The following SMIM8 variants were observed in gnomAD, a reference collection of about 807,000 sequenced individuals.
SMIM8 encodes small integral membrane protein 8, also known as UPF0708 protein C6orf162.
In SMIM8, 8 loss-of-function variants were observed where a neutral mutation model predicts 8.1. That is an observed-to-expected ratio of 0.99 (90% CI 0.58 to 1.78). SMIM8 has a LOEUF of 1.78. Ranked by LOEUF, SMIM8 falls within the 40% of genes most tolerant of loss-of-function variation. The pLI is 0.00. For synonymous variants in SMIM8, 45 were observed against 39.7 expected (o/e 1.13, Z -0.50); for missense variants, 126 against 119.8 (o/e 1.05, Z -0.24).
Position 87,339,015 on chromosome 6 carries a change from G to C in SMIM8, c.136-1101G>C, listed in dbSNP as rs376768940. On this transcript the variant is annotated intron_variant, in intron 3 of 3. Coordinates refer to ENST00000392863, the MANE Select transcript of SMIM8 (RefSeq NM_001042493.3). The stretch of plus-strand genomic sequence containing the variant: ...CTTGAGGCCAGGAGTTCAACATACT[G>C]AGACTCTATCTCTACAAAAAAATTT... 4.5e-4 allele frequency among the ~76,000 whole-genome samples: 67 copies of C among 147,616 alleles called. No homozygotes were observed. In the Middle Eastern group the frequency reaches 0.011, roughly 24 times the overall value.
intron 1 of SMIM8, among the ~76,000 whole-genome samples, chr6:87,326,234 T>G (rs552606994): frequency 2.4e-4 from 36 of 151,858 alleles, no homozygotes; most frequent in Non-Finnish European, 4.9e-4. Flanking sequence ...GATTCATTAA[T>G]TTTTTGAAGG....
intron 1 of SMIM8, among the ~76,000 whole-genome samples, chr6:87,325,716 T>G (rs1171712123): frequency 6.6e-6 from 1 of 152,088 alleles, no homozygotes; most frequent in Non-Finnish European, 1.5e-5. Flanking sequence ...AGGATATTGG[T>G]CTAAAATTCT....
In SMIM8 at chr6:87,341,496, T is replaced by A. The variant is rs1039493306; in HGVS notation, c.*1222T>A. The A allele has an allele frequency of 2.6e-6, 1 of 388,550 alleles. No homozygotes were observed. Among genetic ancestry groups the A allele is most frequent in the African/African-American group, 2.1e-5 (1 of 48,402 alleles). 24.1% of individuals were successfully genotyped at this position (388,550 alleles called of 1,614,324 possible). ...TCTGGACCCGTTTCATTTCTAGATA[T>A]ATACCTAATTCTCCAAATCATTGTC... is the stretch of plus-strand genomic sequence containing the variant. On this transcript the variant is annotated 3_prime_UTR_variant, in exon 4 of 4. Coordinates refer to ENST00000392863, the MANE Select transcript of SMIM8 (RefSeq NM_001042493.3).
chr6:87,331,777 TATC>T (rs1777001131), intron 2 of SMIM8, among the ~76,000 whole-genome samples: 1 of 152,168 alleles, frequency 6.6e-6, no homozygotes, highest in South Asian at 2.1e-4. Context: ...AGAATTGTTG[TATC>T]ATCAGTGACT....
intron 1 of SMIM8, chr6:87,329,427 A>G (rs929729776): frequency 6.6e-6 from 1 of 152,408 alleles, no homozygotes; most frequent in African/African-American, 2.4e-5. Flanking sequence ...GGCCCGCACC[A>G]CCACACCCAG....
intron 2 of SMIM8, among the ~76,000 whole-genome samples, chr6:87,334,064 G>A (rs1407907441): frequency 6.6e-6 from 1 of 152,162 alleles, no homozygotes; most frequent in Non-Finnish European, 1.5e-5. Context: ...GGGAAGAAGT[G>A]TCACACTTAA....
intron 2 of SMIM8, among the ~76,000 whole-genome samples, chr6:87,333,991 G>C (rs1275816697): frequency 6.6e-6 from 1 of 152,216 alleles, no homozygotes; most frequent in East Asian, 1.9e-4. Flanking sequence ...GAAGCTTTCA[G>C]TTGTGGTGGA....
At position 87,340,359 on chromosome 6, in the gene SMIM8, T is replaced by G; in HGVS notation, c.*85T>G. 1 of 1,295,212 alleles carries G rather than the reference T, an allele frequency of 7.7e-7. No homozygotes were observed. Among genetic ancestry groups the G allele is most frequent in the Non-Finnish European group, 1.0e-6 (1 of 995,050 alleles). 80.2% of individuals were successfully genotyped at this position (1,295,212 alleles called of 1,614,324 possible). On this transcript the variant is annotated 3_prime_UTR_variant, in exon 4 of 4. Transcript: ENST00000392863. The stretch of plus-strand genomic sequence containing the variant: ...CCTTGTGAGTGTACAGTATCATGTT[T>G]CTTGTTCTAGAACATGCTAATGAAG...
chr6:87,334,671 G>A (rs1427171779), intron 2 of SMIM8, among the ~76,000 whole-genome samples: 1 of 152,168 alleles, frequency 6.6e-6, no homozygotes, highest in African/African-American at 2.4e-5. Context: ...CATGCCAAAG[G>A]TAGACTTTGC....
chr6:87,337,953 T>G (rs995832202), intron 3 of SMIM8, among the ~76,000 whole-genome samples: 2 of 152,332 alleles, frequency 1.3e-5, no homozygotes, highest in Non-Finnish European at 2.9e-5. Context: ...TAAATGTAGA[T>G]TCTATTTTAA....
chr6:87,337,118 C>T lies in SMIM8; in HGVS notation c.87C>T (p.Arg29=). Residue 29 remains arginine (R), a synonymous_variant, in exon 3 of 4, where the codon CGC becomes CGT. Transcript: ENST00000392863. The part of the protein sequence containing the change: ...EFQSPGLRGV[R]TTTLFRAVNP... ...AAAGCCCAGGGCTCAGAGGGGTGCG[C>T]ACAACAACCTTATTTCGTGCTGTGA... 1.9e-6 allele frequency: 3 copies of T among 1,613,060 alleles called. No individual in the cohort carries two copies. The highest frequency in any genetic ancestry group is 1.1e-5 in the South Asian group (1 of 90,898).
intron 3 of SMIM8, among the ~76,000 whole-genome samples, chr6:87,339,413 CGTGTGTGTGTGTGTGTGTGTGTTTGTGT>C (rs200629594): frequency 0.028 from 2,488 of 88,438 alleles, 72 homozygotes; most frequent in African/African-American, 0.11. Flanking sequence ...CAAAACACAG[CGTGTGTGTGTGTGTGTGTGTGTTTGTGT>C]GTGTGTGTGT....
intron 2 of SMIM8, among the ~76,000 whole-genome samples, chr6:87,332,327 GTA>G (rs1424659153): frequency 1.8e-4 from 7 of 39,350 alleles, no homozygotes; most frequent in Non-Finnish European, 2.5e-4. Context: ...CCCCATATAT[GTA>G]TATATATATA....
chr6:87,323,392 T>G (rs754141257), intron 1 of SMIM8, among the ~76,000 whole-genome samples: 1 of 151,858 alleles, frequency 6.6e-6, no homozygotes, highest in Non-Finnish European at 1.5e-5. Context: ...ACATCTAACA[T>G]TAGGTATATC....
chr6:87,323,999 T>C (rs1776748979), intron 1 of SMIM8, among the ~76,000 whole-genome samples: 1 of 150,462 alleles, frequency 6.6e-6, no homozygotes, highest in South Asian at 2.1e-4. Flanking sequence ...CATTGTGGTT[T>C]TGATTTGCAT....
intron 2 of SMIM8, among the ~76,000 whole-genome samples, chr6:87,335,700 A>G (rs929642487): frequency 6.6e-6 from 1 of 152,116 alleles, no homozygotes; most frequent in African/African-American, 2.4e-5. Context: ...AGCTTAATGA[A>G]TACTTATACT....
chr6:87,337,019 A>G lies in SMIM8; in HGVS notation c.-13A>G, dbSNP rs1384801722. On this transcript the variant is annotated 5_prime_UTR_variant, in exon 3 of 4. Transcript: ENST00000392863. Reference sequence around the variant, plus strand: ...TTATTTTGTTTTTAGATAATAAATCATCATTGATCAAGATGTCTTCAGCAC... The same window carrying G: ...TTATTTTGTTTTTAGATAATAAATCGTCATTGATCAAGATGTCTTCAGCAC... 2 of 1,578,184 alleles carry G rather than the reference A, an allele frequency of 1.3e-6. No homozygotes were observed. Among genetic ancestry groups the G allele is most frequent in the African/African-American group, 1.4e-5 (1 of 73,012 alleles).
intron 1 of SMIM8, among the ~76,000 whole-genome samples, chr6:87,327,670 C>T (rs1582088526): frequency 6.6e-6 from 1 of 150,438 alleles, no homozygotes; most frequent in Non-Finnish European, 1.5e-5. Flanking sequence ...CGACCTTTCT[C>T]TCTGGCTGCC....
At chr6:87,326,184 T>G (rs1776816751) in intron 1 of SMIM8, among the ~76,000 whole-genome samples, 1 of 152,238 alleles carries the variant, frequency 6.6e-6, no homozygotes, top group Non-Finnish European at 1.5e-5. Context: ...TTGCTAGCGG[T>G]CTATCAATTT....
Sources: gnomAD v4.1 joint callset for allele counts (sites outside exome capture counted in the v4.1 genomes callset) on GRCh38, gnomAD v4.1.1 for gene constraint, MANE v1.5 for transcripts, NCBI Gene and HGNC (gene_info 2026-07-23, HGNC 2026-07-21) for gene names.